Variants in CLEC16A observed in about 807,000 individuals in gnomAD.
The protein encoded by CLEC16A is protein CLEC16A.
In CLEC16A, 51 loss-of-function variants were observed where a neutral mutation model predicts 109.5. That is an observed-to-expected ratio of 0.47 (90% CI 0.37 to 0.59). The LOEUF is 0.59. CLEC16A is among the 20% of genes least tolerant of loss of function. CLEC16A has a pLI of 0.00. For synonymous variants in CLEC16A, 673 were observed against 564.2 expected, an observed-to-expected ratio of 1.19 and a Z score of -2.73; for missense variants, 1,339 against 1,394.0, an observed-to-expected ratio of 0.96 and a Z score of 0.63.
intron 12 of CLEC16A, among the ~76,000 whole-genome samples, chr16:11,021,245 A>G (rs552526631): frequency 1.3e-5 from 2 of 152,304 alleles, no homozygotes; most frequent in Non-Finnish European, 2.9e-5. Context: ...GACTTAACAG[A>G]TGGGATTAAT....
chr16:11,169,908 G>A (rs1404751804), intron 23 of CLEC16A, among the ~76,000 whole-genome samples: 2 of 152,066 alleles, frequency 1.3e-5, no homozygotes, highest in African/African-American at 4.8e-5. Flanking sequence ...ATGCTTATAG[G>A]CACTTCACAG....
At chr16:11,158,305 C>G (rs1030859458) in intron 22 of CLEC16A, among the ~76,000 whole-genome samples, 1 of 152,178 alleles carries the variant, frequency 6.6e-6, no homozygotes, top group Non-Finnish European at 1.5e-5. Flanking sequence ...TCAGGGCACC[C>G]ACGCCTCATG....
chr16:11,081,789 C>T (rs558346500), intron 19 of CLEC16A, among the ~76,000 whole-genome samples: 27 of 152,280 alleles, frequency 1.8e-4, no homozygotes, highest in Admixed American at 8.5e-4. Context: ...TTAAATGGTC[C>T]GCTGCAGAAC....
intron 13 of CLEC16A, among the ~76,000 whole-genome samples, chr16:11,036,873 G>T (rs75573163): frequency 2.9e-4 from 44 of 152,160 alleles, no homozygotes; most frequent in Non-Finnish European, 5.6e-4. Context: ...TAACACGAAT[G>T]ATAAGGAAAC....
At position 11,126,058 on chromosome 16, in the gene CLEC16A, G is replaced by A. The variant is rs763595009; in HGVS notation, c.2553G>A (p.Leu851=). The A allele has an allele frequency of 4.3e-6, 7 of 1,613,898 alleles. No homozygotes were observed. The South Asian group carries it at 7.7e-5, about 18-fold the overall frequency. ...GCTCCTCCACCTCCACTCAGCACCT[G>A]CCTTTCCGCTTCTACGACCAGGGGC... ...GLGSSTSTQH[L]PFRFYDQGRR... is the part of the protein sequence containing the mutation. Residue 851 remains leucine (L), a synonymous_variant, in exon 22 of 24, where the codon CTG becomes CTA. Transcript: ENST00000409790.
At chr16:11,115,275 A>G (rs946191710) in intron 19 of CLEC16A, among the ~76,000 whole-genome samples, 1 of 152,196 alleles carries the variant, frequency 6.6e-6, no homozygotes, top group African/African-American at 2.4e-5. Flanking sequence ...GGGAAGGAGG[A>G]TAGAAAGAGA....
intron 13 of CLEC16A, among the ~76,000 whole-genome samples, chr16:11,035,823 T>G (rs947264960): frequency 1.3e-5 from 2 of 152,232 alleles, no homozygotes; most frequent in African/African-American, 4.8e-5. Flanking sequence ...TTTGTTTGTT[T>G]TGACTGAGTA....
chr16:10,969,195 C>A lies in CLEC16A; in HGVS notation c.378C>A (p.Ile126=), dbSNP rs1274602033. The A allele has an allele frequency of 7.5e-6, 12 of 1,610,006 alleles. No individual in the cohort carries two copies. Among genetic ancestry groups the A allele is most frequent in the Non-Finnish European group, 9.3e-6 (11 of 1,177,324 alleles). The change falls in exon 4 of 24, where the codon ATC becomes ATA. Residue 126 remains isoleucine, a synonymous_variant. Coordinates refer to ENST00000409790, the MANE Select transcript of CLEC16A (RefSeq NM_015226.3). ...TCTCAAATAACTACGTAAATTCTAT[C>A]ATCGTTCATAAATTTGACTTTTCTG... The part of the protein sequence containing the change: ...YLLSNNYVNS[I]IVHKFDFSDE...
intron 22 of CLEC16A, among the ~76,000 whole-genome samples, chr16:11,139,919 T>C (rs2053744795): frequency 6.6e-6 from 1 of 152,238 alleles, no homozygotes; most frequent in Admixed American, 6.5e-5. Context: ...CTAGGTGCTT[T>C]ACACAAAATA....
intron 6 of CLEC16A, 68 bp from the exon 7 acceptor site, chr16:10,972,870 T>C (rs1391123242): frequency 2.0e-6 from 3 of 1,497,882 alleles, no homozygotes; most frequent in Non-Finnish European, 2.7e-6. Flanking sequence ...TGTTTTTGTT[T>C]TTTTTTTAAT....
intron 22 of CLEC16A, among the ~76,000 whole-genome samples, chr16:11,144,136 C>A (rs1271503212): frequency 6.6e-6 from 1 of 152,200 alleles, no homozygotes; most frequent in Non-Finnish European, 1.5e-5. Flanking sequence ...GGCTGGTCAT[C>A]TCCCAAGCTA....
intron 23 of CLEC16A, among the ~76,000 whole-genome samples, chr16:11,176,170 T>G (rs2068738504): frequency 6.6e-6 from 1 of 152,256 alleles, no homozygotes; most frequent in Non-Finnish European, 1.5e-5. Context: ...CAGATCGTGC[T>G]AGGTCAGGGC....
chr16:11,089,759 G>A lies in CLEC16A; in HGVS notation c.2116+28737G>A, dbSNP rs79397286. On this transcript the variant is annotated intron_variant, in intron 19 of 23. Transcript: ENST00000409790. ...GGGCCCGACTCAGGAAATGGCATCT[G>A]TAAGAATGATAGGGCAGCCTACTGA... 8.2e-3 allele frequency among the ~76,000 whole-genome samples: 1,247 copies of A among 152,352 alleles called. 11 individuals carry two copies. Among genetic ancestry groups the A allele is most frequent in the Non-Finnish European group, 0.011 (747 of 68,042 alleles).
intron 13 of CLEC16A, among the ~76,000 whole-genome samples, chr16:11,032,877 TC>T (rs2046824002): frequency 1.3e-5 from 2 of 152,272 alleles, no homozygotes; most frequent in East Asian, 1.9e-4. Flanking sequence ...TGCCATTTTT[TC>T]TCCAAGTGCA....
Position 11,123,618 on chromosome 16 carries a change from A to T in CLEC16A, c.2269-124A>T, listed in dbSNP as rs578044930. The T allele has an allele frequency of 5.4e-5, 50 of 919,846 alleles. No individual in the cohort carries two copies. The African/African-American group carries it at 6.7e-4, about 12-fold the overall frequency. The allele number at this position is 919,846 out of a possible 1,614,324, so 57.0% of individuals were successfully genotyped here. ...CTCTGTTGGACTTGGGAGGCTGTCG[A>T]TCTTAGATCAAAAGCAGAGATGAAT... On this transcript the variant is annotated intron_variant, in intron 20 of 23. Transcript: ENST00000409790.
At chr16:10,947,444 A>T (rs150986203) in intron 1 of CLEC16A, among the ~76,000 whole-genome samples, 162 of 152,266 alleles carry the variant, frequency 1.1e-3, no homozygotes, top group African/African-American at 3.7e-3. Context: ...GGGAACCCTT[A>T]TTGGGAGCTT....
chr16:11,157,223 G>A (rs1015462663), intron 22 of CLEC16A: 23 of 1,224,788 alleles, frequency 1.9e-5, no homozygotes, highest in Middle Eastern at 4.8e-4. Context: ...GTATTTAAGC[G>A]TTGTGAGGTG....
intron 15 of CLEC16A, among the ~76,000 whole-genome samples, 161 bp from the exon 16 acceptor site, chr16:11,043,867 C>T (rs150973192): frequency 1.3e-5 from 2 of 150,572 alleles, no homozygotes; most frequent in East Asian, 3.9e-4. Flanking sequence ...GAACAAGACT[C>T]CATCTCAAGA....
intron 1 of CLEC16A, 92 bp from the exon 2 acceptor site, chr16:10,957,690 T>C: frequency 3.8e-6 from 5 of 1,319,216 alleles, no homozygotes; most frequent in Non-Finnish European, 5.4e-6. Flanking sequence ...AAAGCATTGC[T>C]GCATTGTCTC....
Sources: gnomAD v4.1 joint callset for allele counts (sites outside exome capture counted in the v4.1 genomes callset) on GRCh38, gnomAD v4.1.1 for gene constraint, MANE v1.5 for transcripts, NCBI Gene and HGNC (gene_info 2026-07-23, HGNC 2026-07-21) for gene names.